The following MID2 variants were observed in gnomAD, a reference collection of about 807,000 sequenced individuals.
MID2 encodes the protein probable E3 ubiquitin-protein ligase MID2.
MID2 carries 13 observed loss-of-function variants against 46.1 expected under a neutral mutation model. The observed-to-expected ratio is 0.28, with a 90% CI of 0.18 to 0.45. MID2 has a LOEUF of 0.45. Ranked by LOEUF, MID2 falls within the 20% of genes least tolerant of loss-of-function variation. The pLI is 1.00. For missense variants in MID2, 431 were observed against 575.4 expected (o/e 0.75, Z 2.57); for synonymous variants, 199 against 212.3 (o/e 0.94, Z 0.55).
At chrX:107,872,801 A>G (rs180715008) in intron 3 of MID2, among the ~76,000 whole-genome samples, 79 of 111,981 alleles carry the variant, frequency 7.1e-4, no homozygotes, top group Middle Eastern at 4.6e-3. Flanking sequence ...CAAAGAAGTT[A>G]TATGTTTAAT....
chrX:107,930,209 C>T lies in MID2; in HGVS notation c.*3136C>T, dbSNP rs1933258092. On this transcript the variant is annotated 3_prime_UTR_variant, in exon 10 of 10. Transcript: ENST00000262843. ...ATGAAAAAATGCATTATGAAAGTTT[C>T]CTCTTGTACTCTCATGTTCGTAGTG... Among the ~76,000 whole-genome samples, 1 of 111,520 alleles carries T rather than the reference C, an allele frequency of 9.0e-6. No homozygotes were observed. The highest frequency in any genetic ancestry group is 1.9e-5 in the Non-Finnish European group (1 of 53,013).
rs771166577 is a variant in MID2 at position 107,928,426 on chromosome X, G to T, written c.*1353G>T. 9.1e-6 allele frequency among the ~76,000 whole-genome samples: 1 copy of T among 110,331 alleles called. No individual in the cohort carries two copies. The highest frequency in any genetic ancestry group is 1.9e-5 in the Non-Finnish European group (1 of 52,714). On this transcript the variant is annotated 3_prime_UTR_variant, in exon 10 of 10. Coordinates refer to ENST00000262843, the MANE Select transcript of MID2 (RefSeq NM_012216.4). ...TGATTTTTTTTTTTAAATTTCCATC[G>T]AAGGGATTGGGGATGTCAGAGAGCC...
intron 3 of MID2, among the ~76,000 whole-genome samples, chrX:107,903,446 G>A (rs1259511344): frequency 9.0e-6 from 1 of 111,027 alleles, no homozygotes; most frequent in African/African-American, 3.3e-5. Context: ...ACTAAAACAC[G>A]ACAACTATCT....
At chrX:107,836,061 C>T (rs1366197054) in intron 1 of MID2, among the ~76,000 whole-genome samples, 1 of 111,676 alleles carries the variant, frequency 9.0e-6, no homozygotes, top group Admixed American at 9.5e-5. Context: ...AGAACTCCAA[C>T]TTCATCCTCT....
At chrX:107,885,125 A>AT (rs1264066018) in intron 3 of MID2, among the ~76,000 whole-genome samples, 4 of 107,142 alleles carry the variant, frequency 3.7e-5, no homozygotes, top group Non-Finnish European at 7.8e-5. Flanking sequence ...TTATTTATTT[A>AT]TTTATTTTAT....
At chrX:107,886,502 A>G (rs1317006660) in intron 3 of MID2, among the ~76,000 whole-genome samples, 30 of 112,031 alleles carry the variant, frequency 2.7e-4, no homozygotes, top group Non-Finnish European at 4.9e-4. Context: ...TGGTACCAGT[A>G]CCATGCTGTT....
At chrX:107,844,307 C>T (rs761133290) in intron 2 of MID2, among the ~76,000 whole-genome samples, 6 of 111,248 alleles carry the variant, frequency 5.4e-5, no homozygotes, top group South Asian at 3.9e-4. Context: ...AGGGTTGAGA[C>T]GCAGGACACA....
At chrX:107,926,032 A>T in intron 8 of MID2, 62 bp from the exon 9 acceptor site, 1 of 878,165 alleles carries the variant, frequency 1.1e-6, no homozygotes, top group Non-Finnish European at 1.6e-6. Flanking sequence ...CTGGTGGAAA[A>T]GGTAGAATTT....
chrX:107,906,185 C>CA (rs976861803), intron 5 of MID2, among the ~76,000 whole-genome samples: 3 of 111,364 alleles, frequency 2.7e-5, no homozygotes, highest in South Asian at 7.6e-4. Context: ...AGACCACTGG[C>CA]AAAAAAACCA....
intron 3 of MID2, among the ~76,000 whole-genome samples, chrX:107,897,095 T>G (rs898414581): frequency 1.8e-5 from 2 of 111,909 alleles, no homozygotes; most frequent in African/African-American, 6.5e-5. Flanking sequence ...AACTCTTATG[T>G]ACTCCTCCCA....
At position 107,930,413 on chromosome X, in the gene MID2, A is replaced by T. The variant is rs1933262620; in HGVS notation, c.*3340A>T. Among the ~76,000 whole-genome samples the T allele has an allele frequency of 8.9e-6, 1 of 112,042 alleles. No individual in the cohort carries two copies. Among genetic ancestry groups the T allele is most frequent in the African/African-American group, 3.2e-5 (1 of 30,869 alleles). On this transcript the variant is annotated 3_prime_UTR_variant, in exon 10 of 10. Coordinates refer to ENST00000262843, the MANE Select transcript of MID2 (RefSeq NM_012216.4). ...AGCATATGGCACCATTGTTTTCAGT[A>T]ACATTTCAGTCTTGTCAAACTTTGT... is the stretch of plus-strand genomic sequence containing the variant.
rs1331226569 is a variant in MID2 at position 107,845,523 on chromosome X, ACACT to A, written c.720+4140_720+4143del. 4.1e-3 allele frequency among the ~76,000 whole-genome samples: 353 copies of A among 85,882 alleles called. 2 individuals are homozygous for A. Among genetic ancestry groups the A allele is most frequent in the Middle Eastern group, 0.011 (2 of 180 alleles). 74.6% of individuals were successfully genotyped at this position (85,882 alleles called of 115,157 possible). ...CACACACACACACACACACACACAC[ACACT>A]CTCTCTCTCTCTCTCTCTCTCTCTC... On this transcript the variant is annotated intron_variant, in intron 2 of 9. Transcript: ENST00000262843.
intron 1 of MID2, among the ~76,000 whole-genome samples, chrX:107,839,379 G>GT (rs746993882): frequency 0.041 from 3,885 of 93,625 alleles, 163 homozygotes; most frequent in African/African-American, 0.12. Context: ...TGTTTTGTTT[G>GT]TTTTTTTTTT....
chrX:107,877,253 G>A (rs768357400), intron 3 of MID2, among the ~76,000 whole-genome samples: 6 of 112,038 alleles, frequency 5.4e-5, no homozygotes, highest in Non-Finnish European at 1.1e-4. Context: ...GAAATGAATG[G>A]TTCCTTCCTG....
Position 107,927,503 on chromosome X carries a change from G to C in MID2, c.*430G>C, listed in dbSNP as rs1007696845. ...GTTTGGCCATGTAGAATTTTGAACA[G>C]TGTCAAATTATCACATATTATATTT... On this transcript the variant is annotated 3_prime_UTR_variant, in exon 10 of 10. Coordinates refer to ENST00000262843, the MANE Select transcript of MID2 (RefSeq NM_012216.4). Among the ~76,000 whole-genome samples, 19 of 111,423 alleles carry C rather than the reference G, an allele frequency of 1.7e-4. No homozygotes were observed. The highest frequency in any genetic ancestry group is 5.7e-5 in the Non-Finnish European group (3 of 53,007).
rs756093055 is a variant in MID2 at position 107,926,272 on chromosome X, T to C, written c.1776T>C (p.Tyr592=). The C allele has an allele frequency of 5.0e-6, 6 of 1,209,873 alleles. No homozygotes were observed. Among genetic ancestry groups the C allele is most frequent in the East Asian group, 5.9e-5 (2 of 33,817 alleles). ...GNIFIDSGCH[Y]WEVVMGSSTW... ...TATTCATTGACAGTGGCTGCCACTA[T>C]TGGGAGGTGGTCATGGGTTCCTCAA... Residue 592 remains tyrosine, a synonymous_variant, in exon 9 of 10, where the codon TAT becomes TAC. Coordinates refer to ENST00000262843, the MANE Select transcript of MID2 (RefSeq NM_012216.4).
chrX:107,876,018 A>T (rs747557458), intron 3 of MID2, among the ~76,000 whole-genome samples: 1 of 111,757 alleles, frequency 8.9e-6, no homozygotes, highest in African/African-American at 3.3e-5. Flanking sequence ...CTCCCTGGGG[A>T]CAGTCTGCCT....
chrX:107,830,699 A>T (rs762414887), intron 1 of MID2, among the ~76,000 whole-genome samples: 2 of 112,345 alleles, frequency 1.8e-5, no homozygotes, highest in Admixed American at 9.4e-5. Flanking sequence ...AGACTAGAAA[A>T]GTGTTTCTCA....
At chrX:107,843,554 T>C (rs757287478) in intron 2 of MID2, among the ~76,000 whole-genome samples, 1 of 111,749 alleles carries the variant, frequency 8.9e-6, no homozygotes, top group South Asian at 3.8e-4. Flanking sequence ...GAAACTATTT[T>C]TACTCATTTT....
Sources: allele counts gnomAD v4.1 joint callset (sites outside exome capture counted in the v4.1 genomes callset), GRCh38; gene constraint gnomAD v4.1.1; transcripts MANE v1.5; gene names NCBI Gene and HGNC (gene_info 2026-07-23, HGNC 2026-07-21).